Variants in SGCG observed in about 807,000 individuals in gnomAD.
SGCG encodes gamma-sarcoglycan.
SGCG carries 26 observed loss-of-function variants against 29.3 expected under a neutral mutation model. That is an observed-to-expected ratio of 0.89 (90% CI 0.65 to 1.23). The LOEUF (loss-of-function observed/expected upper bound fraction) is 1.23. SGCG is among the 50% of genes most tolerant of loss of function. SGCG has a pLI of 0.00. For missense variants in SGCG, 353 were observed against 356.0 expected, an observed-to-expected ratio of 0.99 and a Z score of 0.07; for synonymous variants, 145 against 129.7, an observed-to-expected ratio of 1.12 and a Z score of -0.80.
chr13:23,230,083 A>G (rs1338113998), intron 2 of SGCG, among the ~76,000 whole-genome samples: 2 of 152,200 alleles, frequency 1.3e-5, no homozygotes, highest in Non-Finnish European at 2.9e-5. Context: ...GTCAAAGATC[A>G]GATGGCTGCA....
chr13:23,228,124 T>TC (rs1878971969), intron 2 of SGCG, among the ~76,000 whole-genome samples: 1 of 152,122 alleles, frequency 6.6e-6, no homozygotes, highest in African/African-American at 2.4e-5. Flanking sequence ...GGTAGAGCTG[T>TC]CCTGTATCTT....
In SGCG at chr13:23,280,813, T is replaced by C. The variant is rs142867265; in HGVS notation, c.505+1335T>C. Among the ~76,000 whole-genome samples the C allele has an allele frequency of 5.0e-3, 765 of 152,350 alleles. 4 individuals are homozygous for C. The highest frequency in any genetic ancestry group is 0.01 in the Middle Eastern group (3 of 294). On this transcript the variant is annotated intron_variant, in intron 5 of 7. Coordinates refer to ENST00000218867, the MANE Select transcript of SGCG (RefSeq NM_000231.3). Reference sequence around the variant, plus strand: ...AGCAGAGTTCTTGGTAGAGTATCATTGTACTGCAGGGCAGTGAAATCTGCA... The same window carrying C: ...AGCAGAGTTCTTGGTAGAGTATCATCGTACTGCAGGGCAGTGAAATCTGCA...
chr13:23,313,094 T>G (rs1223335664), intron 6 of SGCG, among the ~76,000 whole-genome samples: 2 of 152,144 alleles, frequency 1.3e-5, no homozygotes, highest in Non-Finnish European at 2.9e-5. Context: ...TTTGTAAAAT[T>G]TGGGCTTAAT....
In SGCG at chr13:23,324,359, C is replaced by T. The variant is rs1883152167; in HGVS notation, c.703-9C>T. ...CTTAACTCTTCGTCTCTCATCTTCTCCCAACCAGCTTGTGCTTGATGCTGA... is the reference window on the plus strand; with the variant it reads ...CTTAACTCTTCGTCTCTCATCTTCTTCCAACCAGCTTGTGCTTGATGCTGA... On this transcript the variant is annotated splice_polypyrimidine_tract_variant and intron_variant, in intron 7 of 7. Coordinates refer to ENST00000218867, the MANE Select transcript of SGCG (RefSeq NM_000231.3). 2.5e-6 allele frequency: 4 copies of T among 1,614,096 alleles called. No individual in the cohort carries two copies. The East Asian group carries it at 8.9e-5, about 36-fold the overall frequency.
chr13:23,254,114 TG>T (rs1302635985), intron 4 of SGCG, among the ~76,000 whole-genome samples: 5 of 152,196 alleles, frequency 3.3e-5, no homozygotes, highest in African/African-American at 1.2e-4. Flanking sequence ...TAAAGATACC[TG>T]AAGGTGTGGA....
At chr13:23,290,234 G>A (rs1365893260) in intron 5 of SGCG, among the ~76,000 whole-genome samples, 1 of 152,168 alleles carries the variant, frequency 6.6e-6, no homozygotes, top group Non-Finnish European at 1.5e-5. Context: ...TGGGAAAACT[G>A]CCAAGTGCAT....
At chr13:23,319,546 A>G (rs1002465441) in intron 6 of SGCG, among the ~76,000 whole-genome samples, 9 of 152,158 alleles carry the variant, frequency 5.9e-5, no homozygotes, top group African/African-American at 2.2e-4. Context: ...CAAGGGAGCA[A>G]TTTCATCAGA....
intron 4 of SGCG, among the ~76,000 whole-genome samples, chr13:23,254,416 G>A (rs138665776): frequency 1.4e-3 from 213 of 152,176 alleles, no homozygotes; most frequent in Non-Finnish European, 1.9e-3. Flanking sequence ...TGATGACTTC[G>A]TGTACTGCAG....
In SGCG at chr13:23,286,971, G is replaced by A. The variant is rs79833688; in HGVS notation, c.505+7493G>A. Among the ~76,000 whole-genome samples, 1,173 of 152,294 alleles carry A rather than the reference G, an allele frequency of 7.7e-3. 18 individuals are homozygous for A. The highest frequency in any genetic ancestry group is 0.026 in the African/African-American group (1,085 of 41,550). On this transcript the variant is annotated intron_variant, in intron 5 of 7. Coordinates refer to ENST00000218867, the MANE Select transcript of SGCG (RefSeq NM_000231.3). ...TGCAGAAAGTAAAACTGTGATAAGGGGGGACTATTGAATTATAGCTTTATC... is the reference window on the plus strand; with the variant it reads ...TGCAGAAAGTAAAACTGTGATAAGGAGGGACTATTGAATTATAGCTTTATC...
intron 1 of SGCG, among the ~76,000 whole-genome samples, chr13:23,184,908 A>G (rs1876910639): frequency 6.6e-6 from 1 of 152,198 alleles, no homozygotes; most frequent in Non-Finnish European, 1.5e-5. Context: ...CAAAGAAAAG[A>G]TGTTCATTTG....
At chr13:23,234,328 TAAAA>T (rs545726788) in intron 2 of SGCG, among the ~76,000 whole-genome samples, 2 of 149,636 alleles carry the variant, frequency 1.3e-5, no homozygotes, top group Admixed American at 6.6e-5. Flanking sequence ...TAATTTTTTT[TAAAA>T]AAATGGATTC....
intron 2 of SGCG, among the ~76,000 whole-genome samples, chr13:23,216,034 A>G (rs1202266384): frequency 1.3e-5 from 2 of 152,168 alleles, no homozygotes; most frequent in African/African-American, 2.4e-5. Context: ...GCAATGAAAC[A>G]TATTAGAATC....
intron 1 of SGCG, among the ~76,000 whole-genome samples, chr13:23,186,886 G>T (rs1876998515): frequency 6.6e-6 from 1 of 152,156 alleles, no homozygotes; most frequent in Non-Finnish European, 1.5e-5. Context: ...TAGTGATGCT[G>T]GCCAAGGCCC....
chr13:23,274,874 G>C (rs1881010300), intron 4 of SGCG, among the ~76,000 whole-genome samples: 1 of 151,788 alleles, frequency 6.6e-6, no homozygotes, highest in Non-Finnish European at 1.5e-5. Context: ...AAAATTCATA[G>C]CATTATTTTA....
Position 23,187,595 on chromosome 13 carries a change from TG to T in SGCG, c.-1+6522del, listed in dbSNP as rs374080376. On this transcript the variant is annotated intron_variant, in intron 1 of 7. Coordinates refer to ENST00000218867, the MANE Select transcript of SGCG (RefSeq NM_000231.3). The stretch of plus-strand genomic sequence containing the variant: ...GTGGCCCGTTTCCTCCCTGGAAGGC[TG>T]GCCATAAGGGTCACCCCTGTGTGGC... Among the ~76,000 whole-genome samples the T allele has an allele frequency of 1.1e-4, 16 of 152,314 alleles. 1 individual carries two copies. The highest frequency in any genetic ancestry group is 3.8e-4 in the African/African-American group (16 of 41,574).
chr13:23,299,747 C>A (rs906099733), intron 6 of SGCG, among the ~76,000 whole-genome samples: 7 of 151,900 alleles, frequency 4.6e-5, no homozygotes, highest in African/African-American at 1.5e-4. Flanking sequence ...CCACCGTGCC[C>A]GGCCTTAGAT....
At chr13:23,236,287 C>A (rs1050281318) in intron 3 of SGCG, among the ~76,000 whole-genome samples, 6 of 152,146 alleles carry the variant, frequency 3.9e-5, no homozygotes, top group African/African-American at 1.4e-4. Context: ...TGGCTGATCT[C>A]CTGCCATATT....
intron 4 of SGCG, among the ~76,000 whole-genome samples, chr13:23,262,739 T>G (rs1880491337): frequency 1.3e-5 from 2 of 151,974 alleles, no homozygotes; most frequent in South Asian, 4.1e-4. Context: ...TTCTCCATGG[T>G]AGATCATATG....
At chr13:23,227,468 T>C (rs1379009582) in intron 2 of SGCG, among the ~76,000 whole-genome samples, 1 of 152,182 alleles carries the variant, frequency 6.6e-6, no homozygotes, top group Non-Finnish European at 1.5e-5. Flanking sequence ...AAGTTAACCT[T>C]AGACCCGCCA....
Sources: gnomAD v4.1 joint callset for allele counts (sites outside exome capture counted in the v4.1 genomes callset) on GRCh38, gnomAD v4.1.1 for gene constraint, MANE v1.5 for transcripts, NCBI Gene and HGNC (gene_info 2026-07-23, HGNC 2026-07-21) for gene names.